The following TENM2 variants were observed in gnomAD, a reference collection of about 807,000 sequenced individuals.
The protein encoded by TENM2 is teneurin-2.
Under a neutral mutation model 245.2 loss-of-function variants are expected in TENM2, and 52 were observed. That is an observed-to-expected ratio of 0.21 (90% CI 0.17 to 0.27). The LOEUF is 0.27. Ranked by LOEUF, TENM2 falls within the 10% of genes least tolerant of loss-of-function variation. TENM2 has a pLI of 1.00. For synonymous variants in TENM2, 1,363 were observed against 1,438.9 expected, an observed-to-expected ratio of 0.95 and a Z score of 1.19; for missense variants, 3,046 against 3,666.8, an observed-to-expected ratio of 0.83 and a Z score of 4.37.
chr5:167,544,144 G>A (rs900969583), intron 2 of TENM2, among the ~76,000 whole-genome samples: 1 of 152,002 alleles, frequency 6.6e-6, no homozygotes, highest in Admixed American at 6.6e-5. Flanking sequence ...GAGGAGGGGC[G>A]GATTCTAAGA....
chr5:167,819,826 C>T (rs1251053013), intron 2 of TENM2, among the ~76,000 whole-genome samples: 1 of 152,168 alleles, frequency 6.6e-6, no homozygotes, highest in Non-Finnish European at 1.5e-5. Context: ...TGTGGTCTTC[C>T]TGTCTAGGGC....
chr5:167,016,290 A>G, the TENM2 span, among the ~76,000 whole-genome samples: 4 of 151,304 alleles, frequency 2.6e-5, no homozygotes, highest in Admixed American at 6.6e-5. Context: ...ACAAAAAAAA[A>G]AAAAAAAAAG....
chr5:167,693,153 A>G (rs918547902), intron 2 of TENM2, among the ~76,000 whole-genome samples: 3 of 152,180 alleles, frequency 2.0e-5, no homozygotes, highest in Admixed American at 6.5e-5. Context: ...CATTCTGTAT[A>G]TACGATGCTC....
At chr5:167,274,490 C>T in the TENM2 span, among the ~76,000 whole-genome samples, 1 of 151,936 alleles carries the variant, frequency 6.6e-6, no homozygotes, top group African/African-American at 2.4e-5. Context: ...TTTGCATGAA[C>T]ATAAGTTTTC....
intron 2 of TENM2, among the ~76,000 whole-genome samples, chr5:167,604,375 G>A (rs1023048253): frequency 2.0e-5 from 3 of 152,124 alleles, no homozygotes; most frequent in East Asian, 1.9e-4. Flanking sequence ...TTGATGAAAC[G>A]GGGCAGTGGG....
At chr5:167,130,955 C>G in the TENM2 span, among the ~76,000 whole-genome samples, 28 of 132,618 alleles carry the variant, frequency 2.1e-4, no homozygotes, top group African/African-American at 8.3e-4. Context: ...AATAGGTTAG[C>G]CTGTGTGTTG....
At chr5:167,078,118 T>C in the TENM2 span, among the ~76,000 whole-genome samples, 2 of 152,034 alleles carry the variant, frequency 1.3e-5, no homozygotes, top group African/African-American at 2.4e-5. Flanking sequence ...GGATTATAGT[T>C]AAGGTCAAGT....
chr5:167,899,886 G>T (rs555748125), intron 3 of TENM2, among the ~76,000 whole-genome samples: 1 of 152,064 alleles, frequency 6.6e-6, no homozygotes. Context: ...TGAACAAAGA[G>T]AAATAAAAGC....
the TENM2 span, among the ~76,000 whole-genome samples, chr5:167,046,678 C>T: frequency 2.0e-5 from 3 of 151,996 alleles, no homozygotes; most frequent in Non-Finnish European, 4.4e-5. Flanking sequence ...TCTGTCCTTT[C>T]ATTTCTATTT....
At chr5:168,180,909 TAA>T (rs5873093) in intron 13 of TENM2, among the ~76,000 whole-genome samples, 40 of 148,630 alleles carry the variant, frequency 2.7e-4, no homozygotes, top group Admixed American at 8.0e-4. Context: ...TCTTAAAATT[TAA>T]AAAAAAAAAA....
Position 168,218,174 on chromosome 5 carries a change from C to G in TENM2, c.4283C>G (p.Ser1428Cys). 6.2e-7 allele frequency: 1 copy of G among 1,613,888 alleles called. No individual in the cohort carries two copies. Among genetic ancestry groups the G allele is most frequent in the Non-Finnish European group, 8.5e-7 (1 of 1,179,858 alleles). ...CTTGCTGTCAATCCCATGGATAACT[C>G]CTTGTATGTTCTAGAGAACAATGTC... Residue 1428 changes from serine (S) to cysteine (C), a missense_variant, in exon 23 of 29, where the codon TCC becomes TGC. This residue lies in a region of TENM2 where 2,704 missense variants were observed against 3,331.9 expected (regional missense o/e 0.81). Coordinates refer to ENST00000518659, the Ensembl canonical transcript of TENM2. This position sits in a 1 kb window ranked among gnomAD's most constrained non-coding sequence, Gnocchi z 5.2.
chr5:167,519,179 T>C (rs1030740848), intron 2 of TENM2, among the ~76,000 whole-genome samples: 5 of 152,184 alleles, frequency 3.3e-5, no homozygotes, highest in African/African-American at 7.2e-5. Flanking sequence ...TTATCCTGTA[T>C]GGTTGTCTCA....
At chr5:167,097,388 T>C in the TENM2 span, among the ~76,000 whole-genome samples, 1 of 152,254 alleles carries the variant, frequency 6.6e-6, no homozygotes, top group East Asian at 1.9e-4. Flanking sequence ...CAAAGCTTAA[T>C]GTAGCATGCT....
intron 12 of TENM2, among the ~76,000 whole-genome samples, chr5:168,147,083 G>A (rs1343993570): frequency 2.6e-5 from 4 of 152,234 alleles, no homozygotes; most frequent in African/African-American, 7.2e-5. Context: ...CTCCGCATAG[G>A]CGTAGTTGGC....
intron 5 of TENM2, among the ~76,000 whole-genome samples, chr5:168,007,881 C>T (rs182530416): frequency 4.0e-4 from 61 of 152,254 alleles, no homozygotes; most frequent in African/African-American, 1.4e-3. Flanking sequence ...ATTAAATTTC[C>T]TAAGCCTTCA....
intron 2 of TENM2, among the ~76,000 whole-genome samples, chr5:167,687,153 T>G (rs74319703): frequency 0.011 from 1,695 of 152,300 alleles, 30 homozygotes; most frequent in African/African-American, 0.037. Context: ...CGGGGAAAAT[T>G]GACTCAGGCT....
At chr5:167,083,220 C>T in the TENM2 span, among the ~76,000 whole-genome samples, 59 of 152,200 alleles carry the variant, frequency 3.9e-4, no homozygotes, top group South Asian at 3.5e-3. Flanking sequence ...AGCACTCAGA[C>T]GAGGGTTATG....
At chr5:167,243,955 C>T in the TENM2 span, among the ~76,000 whole-genome samples, 1 of 152,140 alleles carries the variant, frequency 6.6e-6, no homozygotes, top group Non-Finnish European at 1.5e-5. Flanking sequence ...TTCCAGAAAT[C>T]TTTGACAGGG....
chr5:167,338,478 A>G (rs1347332592), intron 1 of TENM2, among the ~76,000 whole-genome samples: 1 of 152,230 alleles, frequency 6.6e-6, no homozygotes, highest in Non-Finnish European at 1.5e-5. Flanking sequence ...AGCAATTAAA[A>G]TAGAACGTGG....
Sources: gnomAD v4.1 joint callset for allele counts (sites outside exome capture counted in the v4.1 genomes callset) on GRCh38, gnomAD v4.1.1 for gene constraint, gnomAD v4.1.1 regional missense constraint, Gnocchi (gnomAD v3.1) non-coding constraint, MANE v1.5 for transcripts, NCBI Gene and HGNC (gene_info 2026-07-23, HGNC 2026-07-21) for gene names.